Variants in ZNF253 observed in about 807,000 individuals in gnomAD.
The protein encoded by ZNF253 is DNA-binding protein.
In ZNF253, 8 loss-of-function variants were observed where a neutral mutation model predicts 11.9. That is an observed-to-expected ratio of 0.67 (90% confidence interval 0.40 to 1.22). The LOEUF is 1.22. ZNF253 is among the 50% of genes most tolerant of loss of function. ZNF253 has a pLI of 0.01. For missense variants in ZNF253, 485 were observed against 586.9 expected (o/e 0.83, Z 1.79); for synonymous variants, 194 against 194.9 (o/e 1.00, Z 0.04).
intron 1 of ZNF253, among the ~76,000 whole-genome samples, 165 bp from the exon 2 acceptor site, chr19:19,878,315 AG>A (rs3841054): frequency 0.22 from 33,277 of 152,088 alleles, 4,191 homozygotes; most frequent in East Asian, 0.58. Context: ...TCAGAGTTAG[AG>A]GATACATTAG....
Position 19,892,378 on chromosome 19 carries a change from T to TA in ZNF253, c.1133dup (p.Asn378LysfsTer10), listed in dbSNP as rs1317590701. On this transcript the variant is annotated frameshift_variant, in exon 4 of 4. Transcript: ENST00000589717. LOFTEE classifies it low-confidence loss of function (END_TRUNC). ...GATGTAGAGAATGTGGCAAAGCTTT[T>TA]AACCATTCCACAACCCTTTTTTCAC... 1 of 1,613,936 alleles carries TA rather than the reference T, an allele frequency of 6.2e-7. No individual in the cohort carries two copies. Among genetic ancestry groups the TA allele is most frequent in the South Asian group, 1.1e-5 (1 of 91,068 alleles).
At chr19:19,875,090 C>T (rs949997545) in intron 1 of ZNF253, among the ~76,000 whole-genome samples, 8 of 152,146 alleles carry the variant, frequency 5.3e-5, no homozygotes, top group Non-Finnish European at 1.2e-4. Flanking sequence ...AGGTCTGCCT[C>T]TATCCTGGAG....
At chr19:19,878,422 T>C (rs1321346708) in intron 1 of ZNF253, 59 bp from the exon 2 acceptor site, 2 of 1,612,074 alleles carry the variant, frequency 1.2e-6, no homozygotes, top group African/African-American at 2.7e-5. Flanking sequence ...TCACCTTAAG[T>C]CAAATTAAAA....
Position 19,892,495 on chromosome 19 carries a change from A to G in ZNF253, c.1248A>G (p.Arg416=). Residue 416 remains arginine (R), a synonymous_variant, in exon 4 of 4, where the codon AGA becomes AGG. Transcript: ENST00000589717. ...TWPSILSKHK[R]THTGEKPYKC... ...CCTCAATCCTCTCCAAACATAAAAG[A>G]ACTCATACTGGAGAGAAACCCTACA... 6.2e-7 allele frequency: 1 copy of G among 1,613,886 alleles called. No individual in the cohort carries two copies. Among genetic ancestry groups the G allele is most frequent in the Non-Finnish European group, 8.5e-7 (1 of 1,179,954 alleles).
chr19:19,885,223 CTTTCTTTCTTTCT>C (rs1262817239), intron 3 of ZNF253, among the ~76,000 whole-genome samples: 2 of 43,922 alleles, frequency 4.6e-5, no homozygotes, highest in Non-Finnish European at 7.5e-5. Context: ...TGTATTCTTT[CTTTCTTTCTTTCT>C]TTCTTTCTTT....
At position 19,892,008 on chromosome 19, in the gene ZNF253, A is replaced by G; in HGVS notation, c.761A>G (p.Lys254Arg). The change falls in exon 4 of 4, where the codon AAA becomes AGA. Residue 254 changes from lysine to arginine, a missense_variant. Around this residue, in one of 3 missense-constraint regions of ZNF253, gnomAD observed 232 missense variants for 321.4 expected, o/e 0.72. Coordinates refer to ENST00000589717, the MANE Select transcript of ZNF253 (RefSeq NM_021047.3). ...CATAAGAAAATTCATACTGGAGAGAAACCCTACAAATGTGAAGAATGTGGC... is the reference window on the plus strand; with the variant it reads ...CATAAGAAAATTCATACTGGAGAGAGACCCTACAAATGTGAAGAATGTGGC... ...TTHKKIHTGE[K>R]PYKCEECGKA... The G allele has an allele frequency of 6.2e-7, 1 of 1,613,900 alleles. No individual in the cohort carries two copies. The highest frequency in any genetic ancestry group is 1.3e-5 in the African/African-American group (1 of 75,056).
chr19:19,874,964 A>C (rs2063149241), intron 1 of ZNF253, among the ~76,000 whole-genome samples: 1 of 152,184 alleles, frequency 6.6e-6, no homozygotes, highest in Non-Finnish European at 1.5e-5. Context: ...TCTTTTAGAT[A>C]AGCTTAGAAA....
In ZNF253 at chr19:19,892,726, AC is replaced by A; in HGVS notation, c.1480del (p.Leu494PhefsTer2). ...TGACAGATCTTTTAAATGTTCCTCCACTTTTAATTAGCATAAGATAATTCAT... is the reference window on the plus strand; with the variant it reads ...TGACAGATCTTTTAAATGTTCCTCCATTTTAATTAGCATAAGATAATTCAT... Reference protein sequence around the residue: ...NVTDLLNVPPLLISIR With the variant: ...NVTDLLNVPPXLISIR On this transcript the variant is annotated frameshift_variant, in exon 4 of 4. Coordinates refer to ENST00000589717, the MANE Select transcript of ZNF253 (RefSeq NM_021047.3). LOFTEE classifies it high-confidence loss of function. The A allele has an allele frequency of 6.3e-7, 1 of 1,593,440 alleles. No homozygotes were observed. The highest frequency in any genetic ancestry group is 8.5e-7 in the Non-Finnish European group (1 of 1,171,604).
rs554901840 is a variant in ZNF253 at position 19,892,493 on chromosome 19, A to G, written c.1246A>G (p.Arg416Gly). 17 of 1,613,966 alleles carry G rather than the reference A, an allele frequency of 1.1e-5. No individual in the cohort carries two copies. The highest frequency in any genetic ancestry group is 8.0e-5 in the African/African-American group (6 of 75,026). Residue 416 changes from arginine to glycine, a missense_variant, in exon 4 of 4, where the codon AGA (arginine) becomes GGA (glycine). This residue lies in a region of ZNF253 where 232 missense variants were observed against 321.4 expected (regional missense o/e 0.72). Transcript: ENST00000589717. ...GCCCTCAATCCTCTCCAAACATAAA[A>G]GAACTCATACTGGAGAGAAACCCTA... ...TWPSILSKHK[R>G]THTGEKPYKC...
chr19:19,874,730 T>A (rs1282300594), intron 1 of ZNF253, among the ~76,000 whole-genome samples: 1 of 151,852 alleles, frequency 6.6e-6, no homozygotes, highest in Non-Finnish European at 1.5e-5. Context: ...GCTAACACGG[T>A]GAAACCCCGT....
Position 19,880,154 on chromosome 19 carries a change from C to A in ZNF253, c.226+8C>A. On this transcript the variant is annotated splice_region_variant and intron_variant, in intron 3 of 3. Coordinates refer to ENST00000589717, the MANE Select transcript of ZNF253 (RefSeq NM_021047.3). Reference sequence around the variant, plus strand: ...TGATTGCCAAACCCCCAGGTAGGTACGAGTGAAAACGAATACAACAGATGA... The same window carrying A: ...TGATTGCCAAACCCCCAGGTAGGTAAGAGTGAAAACGAATACAACAGATGA... 1 of 1,584,856 alleles carries A rather than the reference C, an allele frequency of 6.3e-7. No homozygotes were observed. Among genetic ancestry groups the A allele is most frequent in the Non-Finnish European group, 8.6e-7 (1 of 1,165,328 alleles).
Position 19,892,105 on chromosome 19 carries a change from T to C in ZNF253, c.858T>C (p.Cys286=). 1 of 1,614,052 alleles carries C rather than the reference T, an allele frequency of 6.2e-7. No individual in the cohort carries two copies. The highest frequency in any genetic ancestry group is 8.5e-7 in the Non-Finnish European group (1 of 1,180,010). Residue 286 remains cysteine (C), a synonymous_variant, in exon 4 of 4, where the codon TGT becomes TGC. Coordinates refer to ENST00000589717, the MANE Select transcript of ZNF253 (RefSeq NM_021047.3). The part of the protein sequence containing the change: ...IVHTGEKPYK[C]EECGKAFKHP... Reference sequence around the variant, plus strand: ...ATACTGGAGAGAAACCCTACAAATGTGAAGAATGTGGCAAAGCCTTTAAGC... The same window carrying C: ...ATACTGGAGAGAAACCCTACAAATGCGAAGAATGTGGCAAAGCCTTTAAGC...
intron 3 of ZNF253, among the ~76,000 whole-genome samples, chr19:19,887,356 G>A (rs188092723): frequency 3.9e-5 from 6 of 151,974 alleles, no homozygotes; most frequent in Admixed American, 3.9e-4. Flanking sequence ...AAGTGCTATG[G>A]TGCGATCTCA....
rs548594920 is a variant in ZNF253 at position 19,885,253 on chromosome 19, TTCTTTC to T, written c.226+5109_226+5114del. On this transcript the variant is annotated intron_variant, in intron 3 of 3. Coordinates refer to ENST00000589717, the MANE Select transcript of ZNF253 (RefSeq NM_021047.3). ...TTTCTTTCTTTCTTTCTTTCTTTCT[TTCTTTC>T]TTTCTTTCTTTCTTTCTTTCTTTCT... 5.0e-3 allele frequency among the ~76,000 whole-genome samples: 338 copies of T among 67,340 alleles called. 17 individuals carry two copies. Among genetic ancestry groups the T allele is most frequent in the Admixed American group, 8.0e-3 (52 of 6,492 alleles). The allele number at this position is 67,340 out of a possible 152,430, so 44.2% of individuals were successfully genotyped here.
chr19:19,885,754 AT>A (rs372516428), intron 3 of ZNF253, among the ~76,000 whole-genome samples: 103 of 152,272 alleles, frequency 6.8e-4, no homozygotes, highest in African/African-American at 2.2e-3. Context: ...TTTAAAATGT[AT>A]TTTTGTATCA....
At chr19:19,872,185 C>G (rs994239807) in intron 1 of ZNF253, among the ~76,000 whole-genome samples, 1 of 152,066 alleles carries the variant, frequency 6.6e-6, no homozygotes, top group Non-Finnish European at 1.5e-5. Flanking sequence ...GCTCACAGAC[C>G]GAATCAGAGT....
intron 1 of ZNF253, among the ~76,000 whole-genome samples, chr19:19,866,894 T>C (rs1226748252): frequency 6.6e-6 from 1 of 152,178 alleles, no homozygotes; most frequent in Non-Finnish European, 1.5e-5. Flanking sequence ...GGTCGCAGAT[T>C]GGAACAGGCG....
In ZNF253 at chr19:19,891,812, A is replaced by G. The variant is rs751895894; in HGVS notation, c.565A>G (p.Thr189Ala). The G allele has an allele frequency of 3.8e-5, 61 of 1,614,082 alleles. 1 individual carries two copies. The South Asian group carries it at 6.6e-4, about 17-fold the overall frequency. ...TTTTAAACGGTCCTCAACCCTTACT[A>G]CACATAAGAAAATTCATACTGGAGA... ...KAFKRSSTLT[T>A]HKKIHTGEKP... The change falls in exon 4 of 4, where the codon ACA becomes GCA. Residue 189 changes from threonine to alanine, a missense_variant. This residue lies in a region of ZNF253 where 218 missense variants were observed against 213.1 expected (regional missense o/e 1.02). Transcript: ENST00000589717.
chr19:19,889,766 C>T (rs1440950033), intron 3 of ZNF253, among the ~76,000 whole-genome samples: 1 of 151,894 alleles, frequency 6.6e-6, no homozygotes, highest in Non-Finnish European at 1.5e-5. Flanking sequence ...CAGTCTCCTA[C>T]GTGGCTGGGA....
Sources: gnomAD v4.1 joint callset for allele counts (sites outside exome capture counted in the v4.1 genomes callset) on GRCh38, gnomAD v4.1.1 for gene constraint, gnomAD v4.1.1 regional missense constraint, MANE v1.5 for transcripts, NCBI Gene and HGNC (gene_info 2026-07-23, HGNC 2026-07-21) for gene names.